SNTG1: variants seen among roughly 807,000 people sequenced by gnomAD.
SNTG1 encodes gamma-1-syntrophin.
In SNTG1, 39 loss-of-function variants were observed where a neutral mutation model predicts 74.7. That is an observed-to-expected ratio of 0.52 (90% CI 0.40 to 0.68). The LOEUF (loss-of-function observed/expected upper bound fraction) is 0.68, where lower values mean the gene tolerates loss of function less well. SNTG1 is among the 30% of genes least tolerant of loss of function. The probability of loss-of-function intolerance (pLI) is 0.00; values close to 1 mark genes in which losing one functional copy is unlikely to be tolerated. For synonymous variants in SNTG1, 254 were observed against 217.1 expected (o/e 1.17, Z -1.49); for missense variants, 685 against 609.5 (o/e 1.12, Z -1.30).
At chr8:50,608,730 A>G (rs1183682521) in intron 13 of SNTG1, among the ~76,000 whole-genome samples, 6 of 151,864 alleles carry the variant, frequency 4.0e-5, no homozygotes, top group African/African-American at 7.2e-5. Flanking sequence ...GCTTAGATGT[A>G]TGCCTGCAAT....
At chr8:50,664,976 A>G (rs2095243496) in intron 15 of SNTG1, among the ~76,000 whole-genome samples, 1 of 152,214 alleles carries the variant, frequency 6.6e-6, no homozygotes, top group Non-Finnish European at 1.5e-5. Flanking sequence ...TGCCTGTTTC[A>G]GAGCTAGCAA....
chr8:49,923,220 G>T (rs936005479), intron 1 of SNTG1, among the ~76,000 whole-genome samples: 9 of 152,012 alleles, frequency 5.9e-5, no homozygotes, highest in African/African-American at 2.2e-4. Flanking sequence ...AAATTGTTTG[G>T]AGAACTAAAC....
At chr8:50,092,634 C>A (rs752220233) in intron 1 of SNTG1, among the ~76,000 whole-genome samples, 1 of 152,130 alleles carries the variant, frequency 6.6e-6, no homozygotes, top group Non-Finnish European at 1.5e-5. Context: ...TCAGAGTCAG[C>A]CTTGCATCAT....
intron 1 of SNTG1, among the ~76,000 whole-genome samples, chr8:49,960,295 C>T (rs1810560924): frequency 6.6e-6 from 1 of 152,086 alleles, no homozygotes; most frequent in African/African-American, 2.4e-5. Flanking sequence ...ATAAATAATG[C>T]TGTTAACATT....
chr8:50,293,818 A>G (rs1450284163), intron 2 of SNTG1, among the ~76,000 whole-genome samples: 2 of 152,166 alleles, frequency 1.3e-5, no homozygotes, highest in African/African-American at 4.8e-5. Flanking sequence ...GTAGTATACA[A>G]TTCAGCCCAT....
At chr8:50,353,843 T>G (rs999756371) in intron 2 of SNTG1, among the ~76,000 whole-genome samples, 1 of 152,186 alleles carries the variant, frequency 6.6e-6, no homozygotes, top group Non-Finnish European at 1.5e-5. Context: ...CTGCAGGCCA[T>G]CCAGGAAGGC....
At chr8:50,727,689 T>G (rs1476667831) in intron 17 of SNTG1, among the ~76,000 whole-genome samples, 1 of 152,180 alleles carries the variant, frequency 6.6e-6, no homozygotes, top group Non-Finnish European at 1.5e-5. Flanking sequence ...CTCCTCATTC[T>G]TGATTGGCCC....
chr8:50,176,892 T>C (rs976813561), intron 2 of SNTG1, among the ~76,000 whole-genome samples: 14 of 152,178 alleles, frequency 9.2e-5, no homozygotes, highest in Non-Finnish European at 2.1e-4. Flanking sequence ...CTCAAGTTCT[T>C]GGTATTGCTT....
At chr8:50,100,500 CTGTA>C (rs1455687196) in intron 1 of SNTG1, among the ~76,000 whole-genome samples, 1 of 152,006 alleles carries the variant, frequency 6.6e-6, no homozygotes, top group East Asian at 1.9e-4. Flanking sequence ...TCACTATGCA[CTGTA>C]TGTATCAAAA....
At chr8:50,087,099 GT>G (rs1243009391) in intron 1 of SNTG1, among the ~76,000 whole-genome samples, 2 of 152,134 alleles carry the variant, frequency 1.3e-5, no homozygotes, top group African/African-American at 4.8e-5. Context: ...GTTCCAGATA[GT>G]TTTTGTGAAA....
At chr8:50,036,941 G>A (rs1016827984) in intron 1 of SNTG1, among the ~76,000 whole-genome samples, 19 of 152,184 alleles carry the variant, frequency 1.2e-4, no homozygotes, top group Admixed American at 7.9e-4. Flanking sequence ...AAAAGTTAAG[G>A]TTATATAATC....
chr8:50,248,754 A>T (rs1490060423), intron 2 of SNTG1, among the ~76,000 whole-genome samples: 1 of 152,212 alleles, frequency 6.6e-6, no homozygotes, highest in Non-Finnish European at 1.5e-5. Flanking sequence ...AATTAGAGAG[A>T]TAGAAATAAA....
intron 13 of SNTG1, among the ~76,000 whole-genome samples, chr8:50,605,221 G>C (rs983209210): frequency 3.9e-5 from 6 of 152,312 alleles, no homozygotes; most frequent in South Asian, 2.1e-4. Context: ...GGGAGGGGTG[G>C]TGCAAGCCCT....
intron 2 of SNTG1, among the ~76,000 whole-genome samples, chr8:50,361,501 C>G (rs866334293): frequency 6.6e-6 from 1 of 152,086 alleles, no homozygotes; most frequent in Non-Finnish European, 1.5e-5. Flanking sequence ...TGGTTTCAAA[C>G]CTTTTGTTTG....
chr8:50,430,550 G>A (rs1180663454), intron 4 of SNTG1, among the ~76,000 whole-genome samples: 1 of 152,104 alleles, frequency 6.6e-6, no homozygotes, highest in African/African-American at 2.4e-5. Flanking sequence ...GGCCATTTAT[G>A]CAAAGTAGCC....
At chr8:50,595,530 A>G (rs1390578381) in intron 13 of SNTG1, among the ~76,000 whole-genome samples, 2 of 152,072 alleles carry the variant, frequency 1.3e-5, no homozygotes, top group African/African-American at 4.8e-5. Flanking sequence ...CAAATAATAG[A>G]AAGTTGTATA....
chr8:50,787,667 A>G (rs1188395372), intron 18 of SNTG1, among the ~76,000 whole-genome samples: 1 of 152,044 alleles, frequency 6.6e-6, no homozygotes, highest in Non-Finnish European at 1.5e-5. Context: ...TTCATCAATA[A>G]AGAGAAAAGA....
chr8:50,479,729 C>T (rs1413983958), intron 8 of SNTG1, among the ~76,000 whole-genome samples: 3 of 152,016 alleles, frequency 2.0e-5, no homozygotes, highest in Non-Finnish European at 1.5e-5. Context: ...CAGCTGTCCC[C>T]CATATTGGTG....
intron 2 of SNTG1, among the ~76,000 whole-genome samples, chr8:50,291,243 T>C (rs1449643074): frequency 2.8e-4 from 3 of 10,634 alleles, no homozygotes; most frequent in East Asian, 8.3e-3. Flanking sequence ...GACAGACATA[T>C]GTGTGTGTGT....
Sources: gnomAD v4.1 joint callset for allele counts (sites outside exome capture counted in the v4.1 genomes callset) on GRCh38, gnomAD v4.1.1 for gene constraint, MANE v1.5 for transcripts, NCBI Gene and HGNC (gene_info 2026-07-23, HGNC 2026-07-21) for gene names.